The following CA1 variants were observed in gnomAD, a reference collection of about 807,000 sequenced individuals.
The protein encoded by CA1 is carbonate dehydratase I.
In CA1, 27 loss-of-function variants were observed where a neutral mutation model predicts 28.8. That is an observed-to-expected ratio of 0.94 (90% CI 0.69 to 1.29). The LOEUF is 1.29. Among genes scored for constraint, CA1 ranks in the 50% most tolerant of loss-of-function variants. The pLI is 0.00. For synonymous variants in CA1, 121 were observed against 108.8 expected (o/e 1.11, Z -0.70); for missense variants, 335 against 310.5 (o/e 1.08, Z -0.59).
At chr8:85,377,986 C>T (rs1045481387) in intron 1 of CA1, 60 bp downstream of exon 1, 4 of 152,084 alleles carry the variant, frequency 2.6e-5, no homozygotes, top group African/African-American at 9.7e-5. Flanking sequence ...ATTCTTTTGG[C>T]AGTCGGATAA....
At chr8:85,373,401 A>G (rs1007587719) in intron 1 of CA1, 32 of 152,166 alleles carry the variant, frequency 2.1e-4, no homozygotes, top group Middle Eastern at 3.2e-3. Flanking sequence ...CTACATCACA[A>G]TGCTTACATC....
chr8:85,344,087 A>ATATG (rs1809031642), intron 1 of CA1, among the ~76,000 whole-genome samples: 1 of 140,114 alleles, frequency 7.1e-6, no homozygotes, highest in Non-Finnish European at 1.5e-5. Flanking sequence ...AAAAGTATAT[A>ATATG]TATATATATA....
At chr8:85,366,032 C>T (rs535235072) in intron 1 of CA1, among the ~76,000 whole-genome samples, 2 of 152,140 alleles carry the variant, frequency 1.3e-5, no homozygotes, top group Non-Finnish European at 2.9e-5. Flanking sequence ...GTTGCCTTTG[C>T]CAATGTCCTA....
chr8:85,376,254 C>T (rs533796350), intron 1 of CA1, among the ~76,000 whole-genome samples: 2 of 152,134 alleles, frequency 1.3e-5, no homozygotes, highest in East Asian at 1.9e-4. Context: ...TTGCTTGAAC[C>T]GGGAGGCAGA....
At chr8:85,373,222 T>C (rs1810295649) in intron 1 of CA1, among the ~76,000 whole-genome samples, 1 of 152,202 alleles carries the variant, frequency 6.6e-6, no homozygotes, top group South Asian at 2.1e-4. Flanking sequence ...AGACATTAAA[T>C]GGGTGGGTGG....
intron 6 of CA1, among the ~76,000 whole-genome samples, chr8:85,331,048 T>C (rs1169395723): frequency 6.6e-6 from 1 of 152,204 alleles, no homozygotes; most frequent in Non-Finnish European, 1.5e-5. Flanking sequence ...TTCTTAAAAG[T>C]TGAGTAACCC....
chr8:85,347,067 G>A (rs1000872969), intron 1 of CA1, among the ~76,000 whole-genome samples: 1 of 152,056 alleles, frequency 6.6e-6, no homozygotes, highest in Non-Finnish European at 1.5e-5. Context: ...CTGTTTGGGG[G>A]TTCTAGCTAC....
At chr8:85,368,359 G>A (rs369938267) in intron 1 of CA1, among the ~76,000 whole-genome samples, 227 of 151,858 alleles carry the variant, frequency 1.5e-3, no homozygotes, top group South Asian at 2.7e-3. Flanking sequence ...TAGTAGAGAT[G>A]AGGTTTCACC....
At chr8:85,351,151 T>C (rs960211081) in intron 1 of CA1, among the ~76,000 whole-genome samples, 2 of 152,228 alleles carry the variant, frequency 1.3e-5, no homozygotes, top group African/African-American at 4.8e-5. Context: ...ACTTGCCAAA[T>C]TGTTTGCTGA....
chr8:85,369,183 T>A (rs1319813753), intron 1 of CA1, among the ~76,000 whole-genome samples: 1 of 152,204 alleles, frequency 6.6e-6, no homozygotes, highest in African/African-American at 2.4e-5. Context: ...AATAACATGT[T>A]TACTTTGTGA....
intron 1 of CA1, among the ~76,000 whole-genome samples, chr8:85,375,489 T>TA (rs2130421819): frequency 6.7e-6 from 1 of 149,858 alleles, no homozygotes; most frequent in East Asian, 2.0e-4. Context: ...AGTGGTGCCA[T>TA]AAAATACCTG....
rs112442903 is a variant in CA1 at position 85,371,658 on chromosome 8, A to C, written c.-25+6388T>G. On this transcript the variant is annotated intron_variant, in intron 1 of 7. Coordinates refer to ENST00000523022, the MANE Select transcript of CA1 (RefSeq NM_001128831.4). ...GTCTAAAGCAATACCTGGAGAGGTA[A>C]TATGATTTACAACTTAATGAGAAAA... 4.4e-3 allele frequency among the ~76,000 whole-genome samples: 671 copies of C among 152,302 alleles called. 6 individuals are homozygous for C. Among genetic ancestry groups the C allele is most frequent in the African/African-American group, 0.015 (632 of 41,568 alleles).
chr8:85,363,259 A>G (rs1036240031), intron 1 of CA1, among the ~76,000 whole-genome samples: 2 of 152,358 alleles, frequency 1.3e-5, no homozygotes, highest in Middle Eastern at 3.4e-3. Flanking sequence ...CTGGAATACC[A>G]TTCACAGGAG....
At chr8:85,373,599 A>C (rs182959696) in intron 1 of CA1, 43 of 152,276 alleles carry the variant, frequency 2.8e-4, no homozygotes, top group Non-Finnish European at 4.9e-4. Context: ...CCTATTCCTA[A>C]TTTATAATTT....
rs753319731 is a variant in CA1 at position 85,328,619 on chromosome 8, G to T, written c.727C>A (p.Gln243Lys). Residue 243 changes from glutamine to lysine, a missense_variant, in exon 8 of 8, where the codon CAG becomes AAG. Gln to Lys is a moderately conservative substitution (Grantham distance 53). Coordinates refer to ENST00000523022, the MANE Select transcript of CA1 (RefSeq NM_001128831.4). ...NVEGDNAVPM[Q>K]HNNRPTQPLK... is the part of the protein sequence containing the mutation. ...GGTTGGGTTGGGCGGTTGTTGTGCT[G>T]CATGGGGACAGCGTTATCACCTTCA... The T allele has an allele frequency of 7.4e-6, 12 of 1,611,960 alleles. No individual in the cohort carries two copies. Among genetic ancestry groups the T allele is most frequent in the Non-Finnish European group, 1.0e-5 (12 of 1,178,468 alleles).
At chr8:85,362,678 G>C (rs532511979) in intron 1 of CA1, among the ~76,000 whole-genome samples, 6 of 152,132 alleles carry the variant, frequency 3.9e-5, no homozygotes, top group Non-Finnish European at 7.4e-5. Context: ...AGGGGAGTTA[G>C]TGATGGTTGA....
chr8:85,362,639 G>A (rs1014570739), intron 1 of CA1, among the ~76,000 whole-genome samples: 1 of 152,170 alleles, frequency 6.6e-6, no homozygotes, highest in African/African-American at 2.4e-5. Flanking sequence ...AAAATTGGGA[G>A]TATAATTGTG....
At chr8:85,370,303 T>C (rs1402239974) in intron 1 of CA1, among the ~76,000 whole-genome samples, 1 of 152,148 alleles carries the variant, frequency 6.6e-6, no homozygotes, top group African/African-American at 2.4e-5. Context: ...TTGTTCAGAC[T>C]TCATTCAAAC....
At position 85,344,244 on chromosome 8, in the gene CA1, T is replaced by TATATAA. The variant is rs1564029586; in HGVS notation, c.-24-2586_-24-2585insTTATAT. Among the ~76,000 whole-genome samples the TATATAA allele has an allele frequency of 1.0e-3, 93 of 93,330 alleles. 1 individual carries two copies. The highest frequency in any genetic ancestry group is 6.0e-3 in the African/African-American group (90 of 15,124). 61.2% of individuals were successfully genotyped at this position (93,330 alleles called of 152,430 possible). ...ATTATATACAGTATATAATATATAA[T>TATATAA]TATATATTATATACAGTATATAATA... On this transcript the variant is annotated intron_variant, in intron 1 of 7. Transcript: ENST00000523022.
Sources: allele counts gnomAD v4.1 joint callset (sites outside exome capture counted in the v4.1 genomes callset), GRCh38; gene constraint gnomAD v4.1.1; transcripts MANE v1.5; gene names NCBI Gene and HGNC (gene_info 2026-07-23, HGNC 2026-07-21).